TMEM91: variants seen among roughly 807,000 people sequenced by gnomAD.
TMEM91 encodes dispanin subfamily C member 3.
TMEM91 carries 6 observed loss-of-function variants against 13.3 expected under a neutral mutation model. The ratio of observed to expected loss-of-function variants is 0.45; its 90% CI spans 0.25 to 0.89. TMEM91 has a LOEUF of 0.89. Ranked by LOEUF, TMEM91 falls within the 40% of genes least tolerant of loss-of-function variation. The pLI, the probability that TMEM91 is intolerant of heterozygous loss-of-function variation, is 0.19. For missense variants in TMEM91, 193 were observed against 228.7 expected (o/e 0.84, Z 1.01); for synonymous variants, 87 against 101.7 (o/e 0.86, Z 0.87).
At chr19:41,364,016 G>C (rs1599913817), upstream of TMEM91, 1 of 186,536 alleles carries the variant, frequency 5.4e-6, no homozygotes, top group Admixed American at 5.4e-5. Flanking sequence ...TAGTTCATGG[G>C]CTTGACTGCT....
intron 2 of TMEM91, among the ~76,000 whole-genome samples, chr19:41,379,810 T>G (rs1452923723): frequency 6.6e-6 from 1 of 151,572 alleles, no homozygotes; most frequent in Non-Finnish European, 1.5e-5. Context: ...TGAGGTTGCA[T>G]TCAGCTGGTG....
chr19:41,380,256 C>T (rs1037394070), intron 2 of TMEM91, among the ~76,000 whole-genome samples: 4 of 152,082 alleles, frequency 2.6e-5, no homozygotes, highest in East Asian at 1.9e-4. Flanking sequence ...TACAGCATAA[C>T]GGCTTCAGGG....
chr19:41,378,164 T>A lies in TMEM91; in HGVS notation c.-29-117T>A. 5.6e-6 allele frequency: 4 copies of A among 710,262 alleles called. No homozygotes were observed. In the South Asian group the frequency reaches 7.7e-5, roughly 14 times the overall value. The allele number at this position is 710,262 out of a possible 1,614,324, so 44.0% of individuals were successfully genotyped here. On this transcript the variant is annotated intron_variant, in intron 1 of 3. Transcript: ENST00000392002. ...GGCCTCAGCTTCTGTATCTGTAAAATGGGTCTGAGGACCACTGCACTAACT... is the reference window on the plus strand; with the variant it reads ...GGCCTCAGCTTCTGTATCTGTAAAAAGGGTCTGAGGACCACTGCACTAACT...
chr19:41,365,188 T>C (rs936535986), intron 1 of TMEM91, among the ~76,000 whole-genome samples: 5 of 151,702 alleles, frequency 3.3e-5, no homozygotes, highest in Non-Finnish European at 7.4e-5. Flanking sequence ...GCCAGGCCAA[T>C]AGATACAAAG....
At position 41,371,488 on chromosome 19, in the gene TMEM91, T is replaced by C. The variant is rs142014697; in HGVS notation, c.-29-6793T>C. The stretch of plus-strand genomic sequence containing the variant: ...AGGCTGGAGTGCAGTGGCACAATCT[T>C]GGCTCACTGCAACCTCCACCTCCTG... On this transcript the variant is annotated intron_variant, in intron 1 of 3. Transcript: ENST00000413014. 8.6e-3 allele frequency among the ~76,000 whole-genome samples: 1,286 copies of C among 150,382 alleles called. 16 individuals carry two copies. The highest frequency in any genetic ancestry group is 0.03 in the African/African-American group (1,224 of 40,854).
At chr19:41,382,726 G>A in intron 2 of TMEM91, 46 bp from the exon 3 acceptor site, 1 of 1,593,460 alleles carries the variant, frequency 6.3e-7, no homozygotes, top group Non-Finnish European at 8.6e-7. Flanking sequence ...CAATGGGGCA[G>A]GAAAGGTGGA....
intron 3 of TMEM91, 37 bp downstream of exon 3, chr19:41,382,958 T>A (rs1373903067): frequency 6.4e-7 from 1 of 1,556,490 alleles, no homozygotes; most frequent in South Asian, 1.1e-5. Context: ...GGACTGGGCA[T>A]AAAAGAGAAA....
At chr19:41,382,170 C>T (rs755391235) in intron 2 of TMEM91, among the ~76,000 whole-genome samples, 22 of 152,098 alleles carry the variant, frequency 1.4e-4, no homozygotes, top group Admixed American at 7.2e-4. Flanking sequence ...CCCGGCCATG[C>T]GGGGGCTTTT....
intron 1 of TMEM91, among the ~76,000 whole-genome samples, chr19:41,377,544 T>C (rs760450848): frequency 7.1e-6 from 1 of 141,516 alleles, no homozygotes; most frequent in African/African-American, 2.6e-5. Flanking sequence ...AGGGGATGGG[T>C]GTGTGTGTGA....
intron 2 of TMEM91, among the ~76,000 whole-genome samples, chr19:41,381,511 C>A (rs1186289886): frequency 6.6e-6 from 1 of 151,998 alleles, no homozygotes; most frequent in East Asian, 1.9e-4. Flanking sequence ...CAGGTGTGTG[C>A]CACCACACCC....
chr19:41,366,825 A>G (rs1370571815), intron 1 of TMEM91, among the ~76,000 whole-genome samples: 5 of 152,182 alleles, frequency 3.3e-5, no homozygotes, highest in Admixed American at 1.3e-4. Context: ...ATCGTCAACT[A>G]TAAATAATGA....
chr19:41,379,673 GGGAA>G (rs771699262), intron 2 of TMEM91, among the ~76,000 whole-genome samples: 5 of 151,334 alleles, frequency 3.3e-5, no homozygotes, highest in Admixed American at 2.0e-4. Flanking sequence ...AAAGGAAGGA[GGGAA>G]GGAAGGAAGG....
intron 1 of TMEM91, among the ~76,000 whole-genome samples, chr19:41,369,887 T>C (rs754479560): frequency 6.6e-6 from 1 of 152,174 alleles, no homozygotes; most frequent in African/African-American, 2.4e-5. Context: ...TGTTTAAAAC[T>C]GTATTGTTCA....
At position 41,378,381 on chromosome 19, in the gene TMEM91, G is replaced by A; in HGVS notation, c.72G>A (p.Gln24=). The change falls in exon 2 of 4, where the codon CAG becomes CAA. Residue 24 remains glutamine, a synonymous_variant. Transcript: ENST00000392002. Reference sequence around the variant, plus strand: ...GCACAGAATGTGAGACCCCTGCCCAGAAGCCTGGCAGGCATGAGCTGGGGT... The same window carrying A: ...GCACAGAATGTGAGACCCCTGCCCAAAAGCCTGGCAGGCATGAGCTGGGGT... ...LEGTECETPA[Q]KPGRHELGSP... 1 of 1,614,210 alleles carries A rather than the reference G, an allele frequency of 6.2e-7. No homozygotes were observed. Among genetic ancestry groups the A allele is most frequent in the South Asian group, 1.1e-5 (1 of 91,086 alleles).
At chr19:41,369,664 TGAA>T (rs2038583590) in intron 1 of TMEM91, among the ~76,000 whole-genome samples, 7 of 151,662 alleles carry the variant, frequency 4.6e-5, no homozygotes, top group African/African-American at 7.3e-5. Flanking sequence ...AAAAATCAGC[TGAA>T]CGTGGTGGCG....
chr19:41,370,514 C>A (rs1216850314), intron 1 of TMEM91, among the ~76,000 whole-genome samples: 1 of 151,986 alleles, frequency 6.6e-6, no homozygotes, highest in East Asian at 1.9e-4. Flanking sequence ...TTAACCGATT[C>A]TCCTGCTTCA....
Position 41,365,718 on chromosome 19 carries a change from T to G in TMEM91, c.-30+1623T>G, listed in dbSNP as rs1454338963. Among the ~76,000 whole-genome samples the G allele has an allele frequency of 6.2e-3, 862 of 138,484 alleles. 7 individuals carry two copies. Among genetic ancestry groups the G allele is most frequent in the Non-Finnish European group, 0.011 (693 of 64,074 alleles). The allele number at this position is 138,484 out of a possible 152,430, so 90.9% of individuals were successfully genotyped here. A position where few individuals can be genotyped will look rare whatever the true frequency, so the allele number is the denominator to read the frequency against. ...CCGTGACCGGCCGGGTTTTTTTTTT[T>G]TTTTTTTTTTTTGACAGAGTCTCCC... On this transcript the variant is annotated intron_variant, in intron 1 of 3. Transcript: ENST00000413014.
intron 1 of TMEM91, among the ~76,000 whole-genome samples, chr19:41,377,854 TA>T (rs2038760002): frequency 1.4e-5 from 2 of 145,950 alleles, no homozygotes; most frequent in African/African-American, 5.0e-5. Context: ...TTACTAAAAA[TA>T]CAAAAAAAAA....
Position 41,383,878 on chromosome 19 carries a change from C to G in TMEM91, c.*5C>G. Reference sequence around the variant, plus strand: ...GCCTCCCGAGACCCGCCCTAGTTGCCCCTACAGCCCTCACTGTGAACCCTG... The same window carrying G: ...GCCTCCCGAGACCCGCCCTAGTTGCGCCTACAGCCCTCACTGTGAACCCTG... On this transcript the variant is annotated 3_prime_UTR_variant, in exon 4 of 4. Transcript: ENST00000392002. 1 of 1,604,272 alleles carries G rather than the reference C, an allele frequency of 6.2e-7. No individual in the cohort carries two copies. Among genetic ancestry groups the G allele is most frequent in the African/African-American group, 1.3e-5 (1 of 74,186 alleles).
Sources: allele counts gnomAD v4.1 joint callset (sites outside exome capture counted in the v4.1 genomes callset), GRCh38; gene constraint gnomAD v4.1.1; transcripts MANE v1.5; gene names NCBI Gene and HGNC (gene_info 2026-07-23, HGNC 2026-07-21).